CTNNA2: variants seen among roughly 807,000 people sequenced by gnomAD.
The protein encoded by CTNNA2 is catenin alpha 2.
A neutral mutation model predicts 101.0 loss-of-function variants in CTNNA2; 42 were observed. The observed-to-expected ratio is 0.42, with a 90% CI of 0.32 to 0.54. The LOEUF (loss-of-function observed/expected upper bound fraction) is 0.54. Ranked by LOEUF, CTNNA2 falls within the 20% of genes least tolerant of loss-of-function variation. The pLI is 0.14. For missense variants in CTNNA2, 871 were observed against 1,223.1 expected (o/e 0.71, Z 4.29); for synonymous variants, 450 against 456.4 (o/e 0.99, Z 0.18).
At chr2:80,046,955 C>A (rs1696571089) in intron 7 of CTNNA2, among the ~76,000 whole-genome samples, 1 of 152,090 alleles carries the variant, frequency 6.6e-6, no homozygotes, top group African/African-American at 2.4e-5. Context: ...GGAATGTTAT[C>A]CTATGCATGT....
chr2:79,930,712 C>A (rs368486754), intron 7 of CTNNA2, among the ~76,000 whole-genome samples: 1 of 152,330 alleles, frequency 6.6e-6, no homozygotes, highest in East Asian at 1.9e-4. Context: ...AAAATCAATT[C>A]TATTCTATGA....
At chr2:79,853,301 A>C (rs1028292829) in intron 3 of CTNNA2, among the ~76,000 whole-genome samples, 1 of 151,980 alleles carries the variant, frequency 6.6e-6, no homozygotes, top group South Asian at 2.1e-4. Context: ...CTACCCTGGC[A>C]ATTTGATTTT....
At chr2:80,565,857 G>A (rs1694012953) in intron 12 of CTNNA2, among the ~76,000 whole-genome samples, 1 of 152,066 alleles carries the variant, frequency 6.6e-6, no homozygotes, top group South Asian at 2.1e-4. Context: ...TGATCTTTAT[G>A]TAAACCCTGA....
intron 7 of CTNNA2, among the ~76,000 whole-genome samples, chr2:80,093,942 C>T (rs1326232272): frequency 2.0e-5 from 3 of 151,754 alleles, no homozygotes; most frequent in African/African-American, 7.3e-5. Flanking sequence ...AAATTTTCTC[C>T]CATTCTGTAG....
intron 7 of CTNNA2, among the ~76,000 whole-genome samples, chr2:80,294,002 G>A (rs574206835): frequency 1.1e-4 from 17 of 152,216 alleles, no homozygotes; most frequent in East Asian, 3.9e-4. Context: ...TGTGTGCAAT[G>A]GGTTTTCCAG....
chr2:79,660,355 TATACTAA>T (rs1451222390), intron 2 of CTNNA2, among the ~76,000 whole-genome samples: 1 of 150,992 alleles, frequency 6.6e-6, no homozygotes, highest in African/African-American at 2.4e-5. Context: ...TATGTGTATG[TATACTAA>T]ATACATACAC....
At chr2:79,695,780 C>G (rs1009960046) in intron 2 of CTNNA2, among the ~76,000 whole-genome samples, 1 of 151,912 alleles carries the variant, frequency 6.6e-6, no homozygotes, top group Admixed American at 6.6e-5. Context: ...GTGTGTATAA[C>G]GAGGGATGTC....
chr2:79,677,965 G>A (rs563937906), intron 2 of CTNNA2, among the ~76,000 whole-genome samples: 4 of 152,222 alleles, frequency 2.6e-5, no homozygotes, highest in Non-Finnish European at 4.4e-5. Context: ...ACAAAACAAA[G>A]CAAAAATTTG....
At chr2:79,815,636 A>G (rs935929389) in intron 3 of CTNNA2, among the ~76,000 whole-genome samples, 4 of 152,184 alleles carry the variant, frequency 2.6e-5, no homozygotes, top group African/African-American at 7.2e-5. Context: ...TTTTTATACC[A>G]GTATCACACT....
At chr2:80,282,499 A>T (rs966577498) in intron 7 of CTNNA2, among the ~76,000 whole-genome samples, 1 of 152,134 alleles carries the variant, frequency 6.6e-6, no homozygotes, top group Admixed American at 6.6e-5. Flanking sequence ...AGAAGTAGAT[A>T]GAATAATACA....
chr2:80,607,693 T>A (rs1236670324), intron 16 of CTNNA2, among the ~76,000 whole-genome samples: 3 of 151,926 alleles, frequency 2.0e-5, no homozygotes, highest in South Asian at 2.1e-4. Flanking sequence ...AGATTTTTTA[T>A]AAGTGAATGA....
At chr2:79,804,259 A>C (rs1676389270) in intron 3 of CTNNA2, among the ~76,000 whole-genome samples, 1 of 152,188 alleles carries the variant, frequency 6.6e-6, no homozygotes, top group African/African-American at 2.4e-5. Flanking sequence ...AATATTTAAA[A>C]ATTCCTAAAA....
intron 7 of CTNNA2, chr2:80,313,535 G>C: frequency 6.2e-7 from 1 of 1,607,362 alleles, no homozygotes; most frequent in Non-Finnish European, 8.5e-7. Context: ...GCAAGACCAG[G>C]TAGAGGAAGG....
intron 7 of CTNNA2, among the ~76,000 whole-genome samples, chr2:79,939,184 AT>A (rs939169931): frequency 1.3e-5 from 2 of 150,820 alleles, no homozygotes; most frequent in Admixed American, 6.7e-5. Flanking sequence ...TTTAAAAAAA[AT>A]ATTCAAGGCA....
Position 80,647,795 on chromosome 2 carries a change from G to C in CTNNA2, c.2785G>C (p.Val929Leu), listed in dbSNP as rs776956023. Residue 929 changes from valine to leucine, a missense_variant, in exon 19 of 19, where the codon GTT becomes CTT. Physicochemically the swap from Val to Leu is conservative, Grantham distance 32 (BLOSUM62 1). Coordinates refer to ENST00000402739, the MANE Select transcript of CTNNA2 (RefSeq NM_001282597.3). ...AAAGCCTGAAGAATTCCAGACACGA[G>C]TTCGACGAGGTTCTCAGAAGAAACA... is the stretch of plus-strand genomic sequence containing the variant. Reference protein sequence around the residue: ...REKPEEFQTRVRRGSQKKHIS... With the variant: ...REKPEEFQTRLRRGSQKKHIS... The C allele has an allele frequency of 6.2e-7, 1 of 1,613,624 alleles. No homozygotes were observed. The highest frequency in any genetic ancestry group is 2.2e-5 in the East Asian group (1 of 44,886).
intron 4 of CTNNA2, among the ~76,000 whole-genome samples, chr2:79,375,788 G>A (rs756695604): frequency 4.6e-5 from 7 of 152,116 alleles, no homozygotes; most frequent in East Asian, 1.9e-4. Context: ...CAAACATGCC[G>A]GTGCAAAGCC....
intron 6 of CTNNA2, among the ~76,000 whole-genome samples, chr2:79,889,334 A>G (rs1286475816): frequency 6.6e-6 from 1 of 152,218 alleles, no homozygotes; most frequent in Non-Finnish European, 1.5e-5. Flanking sequence ...TTATTTCCCC[A>G]AATGTTCTCT....
intron 1 of CTNNA2, among the ~76,000 whole-genome samples, chr2:79,597,225 C>G (rs1296564979): frequency 6.6e-5 from 10 of 152,118 alleles, no homozygotes; most frequent in African/African-American, 2.4e-5. Context: ...GTAATCCCAG[C>G]ACTTTGGGAG....
chr2:79,391,560 G>A (rs1678172743), intron 4 of CTNNA2, among the ~76,000 whole-genome samples: 1 of 152,076 alleles, frequency 6.6e-6, no homozygotes, highest in African/African-American at 2.4e-5. Context: ...CAACTGTTGG[G>A]GGATGGCACC....
Sources: allele counts gnomAD v4.1 joint callset (sites outside exome capture counted in the v4.1 genomes callset), GRCh38; gene constraint gnomAD v4.1.1; transcripts MANE v1.5; gene names NCBI Gene and HGNC (gene_info 2026-07-23, HGNC 2026-07-21).